Variants in NBEA observed in about 807,000 individuals in gnomAD.
NBEA encodes the protein neurobeachin.
Under a neutral mutation model 343.4 loss-of-function variants are expected in NBEA, and 44 were observed. The observed-to-expected ratio is 0.13, with a 90% CI of 0.10 to 0.16. The LOEUF (loss-of-function observed/expected upper bound fraction) is 0.16. Ranked by LOEUF, NBEA falls within the 10% of genes least tolerant of loss-of-function variation. The probability of loss-of-function intolerance (pLI) is 1.00; values close to 1 mark genes in which losing one functional copy is unlikely to be tolerated. For missense variants in NBEA, 2,555 were observed against 3,631.3 expected (o/e 0.70, Z 7.62); for synonymous variants, 1,175 against 1,238.7 (o/e 0.95, Z 1.08).
rs1361953126 is a variant in NBEA at position 35,654,872 on chromosome 13, A to C, written c.8053A>C (p.Asn2685His). 6.4e-7 allele frequency: 1 copy of C among 1,574,762 alleles called. No individual in the cohort carries two copies. The highest frequency in any genetic ancestry group is 1.2e-5 in the South Asian group (1 of 82,320). Residue 2685 changes from asparagine to histidine, a missense_variant, in exon 54 of 59, where the codon AAC becomes CAC. Asn to His is a moderately conservative substitution (Grantham distance 68). This residue lies in a region of NBEA where 39 missense variants were observed against 37.9 expected (regional missense o/e 1.03). Transcript: ENST00000379939. ...DPLIANNSGV[N>H]KRQITDLVDQ... ...ACTTTTAGCCAATAATTCAGGTGTA[A>C]ACAAACGGCAGATCACAGACCTCGT...
At chr13:35,330,016 T>G (rs2038824505) in intron 36 of NBEA, among the ~76,000 whole-genome samples, 2 of 152,012 alleles carry the variant, frequency 1.3e-5, no homozygotes, top group Non-Finnish European at 2.9e-5. Flanking sequence ...AGTAAATTAT[T>G]GTTCAGTAGA....
intron 20 of NBEA, among the ~76,000 whole-genome samples, chr13:35,156,415 T>C (rs902613424): frequency 1.3e-5 from 2 of 152,100 alleles, no homozygotes; most frequent in African/African-American, 2.4e-5. Flanking sequence ...GATATTATAT[T>C]TTAATTGTAT....
chr13:35,151,040 G>A (rs2068747583), intron 18 of NBEA, among the ~76,000 whole-genome samples: 1 of 151,670 alleles, frequency 6.6e-6, no homozygotes, highest in Non-Finnish European at 1.5e-5. Flanking sequence ...GCTTGAACCT[G>A]GGAGGCAGAG....
chr13:35,411,224 T>C (rs1366338669), intron 38 of NBEA, among the ~76,000 whole-genome samples: 1 of 152,204 alleles, frequency 6.6e-6, no homozygotes, highest in African/African-American at 2.4e-5. Context: ...TCTGCTCTCA[T>C]ATGCAGCCAA....
At chr13:35,626,689 GAATA>G (rs1332321317) in intron 48 of NBEA, among the ~76,000 whole-genome samples, 1 of 152,010 alleles carries the variant, frequency 6.6e-6, no homozygotes, top group African/African-American at 2.4e-5. Flanking sequence ...TTTCTTAATT[GAATA>G]GTTATAGAGA....
At chr13:34,958,868 T>G (rs1402740001) in intron 1 of NBEA, among the ~76,000 whole-genome samples, 1 of 152,210 alleles carries the variant, frequency 6.6e-6, no homozygotes, top group Non-Finnish European at 1.5e-5. Context: ...CTGATACAGT[T>G]CAGTATTCTA....
At chr13:35,412,983 T>C (rs894671549) in intron 38 of NBEA, among the ~76,000 whole-genome samples, 3 of 152,154 alleles carry the variant, frequency 2.0e-5, no homozygotes, top group African/African-American at 7.2e-5. Flanking sequence ...AGTAGATATG[T>C]GTACAATATT....
At chr13:35,405,028 C>G (rs546694859) in intron 38 of NBEA, among the ~76,000 whole-genome samples, 26 of 152,244 alleles carry the variant, frequency 1.7e-4, no homozygotes, top group South Asian at 1.2e-3. Flanking sequence ...AGGGCACACT[C>G]TGTGGACCCT....
chr13:34,989,484 A>C (rs992381568), intron 1 of NBEA, among the ~76,000 whole-genome samples: 3 of 150,838 alleles, frequency 2.0e-5, no homozygotes, highest in Non-Finnish European at 4.5e-5. Flanking sequence ...TGAAGGGGGA[A>C]GTGCTACATA....
chr13:35,535,453 C>G (rs2078491472), intron 41 of NBEA, among the ~76,000 whole-genome samples: 1 of 152,132 alleles, frequency 6.6e-6, no homozygotes, highest in Non-Finnish European at 1.5e-5. Context: ...GAACCAGAGA[C>G]TGGATCAGAG....
Position 35,611,126 on chromosome 13 carries a change from A to G in NBEA, c.7449+4548A>G, listed in dbSNP as rs540741232. Reference sequence around the variant, plus strand: ...AATTCACATATCCTGCTGGTACAAAACAGTTTGGTTGTTTCTTATAAACAC... The same window carrying G: ...AATTCACATATCCTGCTGGTACAAAGCAGTTTGGTTGTTTCTTATAAACAC... On this transcript the variant is annotated intron_variant, in intron 48 of 58. Coordinates refer to ENST00000379939, the MANE Select transcript of NBEA (RefSeq NM_001385012.1). Among the ~76,000 whole-genome samples the G allele has an allele frequency of 2.7e-4, 41 of 152,124 alleles. 1 individual carries two copies. The South Asian group carries it at 8.3e-3, about 31-fold the overall frequency.
At chr13:35,171,922 C>T (rs1011357252) in intron 26 of NBEA, among the ~76,000 whole-genome samples, 3 of 151,998 alleles carry the variant, frequency 2.0e-5, no homozygotes, top group Non-Finnish European at 4.4e-5. Context: ...TATTGTTATA[C>T]CCATGCTGTT....
At chr13:35,010,763 T>TACACAC (rs1233946010) in intron 1 of NBEA, among the ~76,000 whole-genome samples, 4 of 111,562 alleles carry the variant, frequency 3.6e-5, no homozygotes, top group African/African-American at 1.5e-4. Context: ...TATATATATA[T>TACACAC]ATATATATAT....
chr13:35,372,025 T>C (rs1408073345), intron 38 of NBEA, among the ~76,000 whole-genome samples: 1 of 152,178 alleles, frequency 6.6e-6, no homozygotes, highest in African/African-American at 2.4e-5. Flanking sequence ...TGCCTGTCTT[T>C]GGACCCCTAT....
At chr13:35,206,223 A>G (rs1296930112) in intron 31 of NBEA, among the ~76,000 whole-genome samples, 1 of 152,122 alleles carries the variant, frequency 6.6e-6, no homozygotes, top group Non-Finnish European at 1.5e-5. Flanking sequence ...TAGCTTCCAC[A>G]TTAGACAAGA....
At chr13:35,428,987 TG>T (rs2044907380) in intron 38 of NBEA, among the ~76,000 whole-genome samples, 1 of 152,054 alleles carries the variant, frequency 6.6e-6, no homozygotes, top group Non-Finnish European at 1.5e-5. Flanking sequence ...TTGATGGGGG[TG>T]GGAGTTCCCT....
intron 41 of NBEA, among the ~76,000 whole-genome samples, chr13:35,487,070 AC>A (rs1227396236): frequency 1.3e-5 from 2 of 151,874 alleles, no homozygotes. Context: ...GAGCTATACC[AC>A]CCACAATATT....
chr13:35,299,833 G>A (rs528425468), intron 35 of NBEA, among the ~76,000 whole-genome samples: 4 of 152,156 alleles, frequency 2.6e-5, no homozygotes, highest in Non-Finnish European at 2.9e-5. Context: ...TTGATGAAAT[G>A]ACAGTAAATT....
At chr13:35,668,282 T>A in intron 57 of NBEA, 86 bp from the exon 58 acceptor site, 1 of 1,368,520 alleles carries the variant, frequency 7.3e-7, no homozygotes, top group Non-Finnish European at 1.0e-6. Flanking sequence ...GACAGTTGGC[T>A]ATTTAGGAAA....
Sources: gnomAD v4.1 joint callset for allele counts (sites outside exome capture counted in the v4.1 genomes callset) on GRCh38, gnomAD v4.1.1 for gene constraint, gnomAD v4.1.1 regional missense constraint, MANE v1.5 for transcripts, NCBI Gene and HGNC (gene_info 2026-07-23, HGNC 2026-07-21) for gene names.